The following YWHAG variants were observed in gnomAD, a reference collection of about 807,000 sequenced individuals.
The protein encoded by YWHAG is tyrosine 3-monooxygenase/tryptophan 5-monooxygenase activation protein gamma, also known as 14-3-3 protein gamma.
In YWHAG, 1 loss-of-function variant was observed where a neutral mutation model predicts 23.3. The observed-to-expected ratio is 0.04, with a 90% confidence interval of 0.02 to 0.20. The LOEUF is 0.20. Ranked by LOEUF, YWHAG falls within the 10% of genes least tolerant of loss-of-function variation. The pLI is 1.00. For missense variants in YWHAG, 151 were observed against 338.6 expected (o/e 0.45, Z 4.35); for synonymous variants, 160 against 144.0 (o/e 1.11, Z -0.80).
At chr7:76,336,906 C>G (rs1386305535) in intron 1 of YWHAG, among the ~76,000 whole-genome samples, 1 of 152,100 alleles carries the variant, frequency 6.6e-6, no homozygotes, top group Non-Finnish European at 1.5e-5. Context: ...TAAATAGAAA[C>G]AGAAAGAATG....
intron 1 of YWHAG, among the ~76,000 whole-genome samples, chr7:76,344,200 T>G (rs1803742712): frequency 6.6e-6 from 1 of 151,964 alleles, no homozygotes; most frequent in Non-Finnish European, 1.5e-5. Flanking sequence ...AGCCTCCACC[T>G]CCCAGGTCCA....
At chr7:76,358,668 G>A in intron 1 of YWHAG, 54 bp downstream of exon 1, 5 of 1,510,216 alleles carry the variant, frequency 3.3e-6, no homozygotes, top group South Asian at 2.4e-5. Context: ...TCCACGCCAA[G>A]GACCGCGTCT....
At chr7:76,335,759 T>C (rs1803606673) in intron 1 of YWHAG, among the ~76,000 whole-genome samples, 1 of 152,216 alleles carries the variant, frequency 6.6e-6, no homozygotes, top group South Asian at 2.1e-4. Flanking sequence ...GAGACCAGCC[T>C]GGCCAACATG....
intron 1 of YWHAG, among the ~76,000 whole-genome samples, chr7:76,355,215 G>C (rs917424): frequency 6.6e-6 from 1 of 152,008 alleles, no homozygotes; most frequent in Admixed American, 6.6e-5. Flanking sequence ...GTTATGTTAC[G>C]CAACTTTTAC....
chr7:76,349,452 C>G (rs1299576583), intron 1 of YWHAG, among the ~76,000 whole-genome samples: 2 of 150,500 alleles, frequency 1.3e-5, no homozygotes, highest in African/African-American at 4.9e-5. Flanking sequence ...CAGACACACA[C>G]ACACACACAC....
intron 1 of YWHAG, among the ~76,000 whole-genome samples, chr7:76,349,672 G>A (rs983412622): frequency 1.3e-5 from 2 of 152,136 alleles, no homozygotes; most frequent in Non-Finnish European, 2.9e-5. Flanking sequence ...GTGCCATATT[G>A]TTTGCCCTTC....
intron 1 of YWHAG, among the ~76,000 whole-genome samples, chr7:76,354,914 G>C (rs1803929722): frequency 6.6e-6 from 1 of 152,194 alleles, no homozygotes. Flanking sequence ...AACTTTTTAA[G>C]TGGAAATACA....
chr7:76,340,514 C>A (rs533989298), intron 1 of YWHAG, among the ~76,000 whole-genome samples: 3 of 152,156 alleles, frequency 2.0e-5, no homozygotes, highest in African/African-American at 7.2e-5. Flanking sequence ...CTTTTGTGAT[C>A]AGAAATGGAT....
intron 1 of YWHAG, among the ~76,000 whole-genome samples, chr7:76,351,036 T>C (rs774161211): frequency 5.9e-5 from 9 of 152,098 alleles, no homozygotes; most frequent in Non-Finnish European, 1.3e-4. Context: ...ATCATTGAAA[T>C]GATGTCAAGT....
intron 1 of YWHAG, among the ~76,000 whole-genome samples, chr7:76,355,591 T>C (rs1187474410): frequency 1.3e-5 from 2 of 152,126 alleles, no homozygotes; most frequent in African/African-American, 4.8e-5. Flanking sequence ...GAGGTACCAT[T>C]ACTCCATTAG....
intron 1 of YWHAG, among the ~76,000 whole-genome samples, chr7:76,353,008 A>T (rs898941399): frequency 5.9e-5 from 9 of 152,202 alleles, no homozygotes; most frequent in African/African-American, 2.2e-4. Context: ...TCAGGTAAAG[A>T]AAAGTCTATT....
intron 1 of YWHAG, among the ~76,000 whole-genome samples, chr7:76,351,438 C>A (rs1043394220): frequency 6.6e-6 from 1 of 152,144 alleles, no homozygotes; most frequent in South Asian, 2.1e-4. Context: ...ACCTCTATTA[C>A]ACAGATACAA....
rs1051478978 is a variant in YWHAG, at chr7:76,338,118, G to A, written c.88-7885C>T. Among the ~76,000 whole-genome samples the A allele has an allele frequency of 4.6e-5, 7 of 152,006 alleles. No individual in the cohort carries two copies. The East Asian group carries it at 1.3e-3, about 29-fold the overall frequency. On this transcript the variant is annotated intron_variant, in intron 1 of 1. Coordinates refer to ENST00000307630, the MANE Select transcript of YWHAG (RefSeq NM_012479.4). ...ACGTGAAGACACAAAACACTAGTGG[G>A]ATGTACTCAAGGTACTCAGTCTACA...
At chr7:76,356,337 C>T (rs537509752) in intron 1 of YWHAG, among the ~76,000 whole-genome samples, 1 of 152,294 alleles carries the variant, frequency 6.6e-6, no homozygotes, top group East Asian at 1.9e-4. Flanking sequence ...AGCCTATTTC[C>T]TTAAAGTCAC....
intron 1 of YWHAG, among the ~76,000 whole-genome samples, chr7:76,338,749 C>G (rs529487243): frequency 2.0e-5 from 3 of 152,196 alleles, no homozygotes; most frequent in Non-Finnish European, 4.4e-5. Flanking sequence ...AAATGCTCAA[C>G]CTCATTCATT....
In YWHAG at chr7:76,328,035, G is replaced by A. The variant is rs1191854320; in HGVS notation, c.*1542C>T. 6.6e-6 allele frequency: 1 copy of A among 151,864 alleles called. No homozygotes were observed. The highest frequency in any genetic ancestry group is 1.5e-5 in the Non-Finnish European group (1 of 67,994). The allele number at this position is 151,864 out of a possible 1,614,324, so 9.4% of individuals were successfully genotyped here. ...TGCCTAAATAAAACAAAGAAACAAA[G>A]AAAACAAGTGTGGTGTCATTACACG... On this transcript the variant is annotated 3_prime_UTR_variant, in exon 2 of 2. Coordinates refer to ENST00000307630, the MANE Select transcript of YWHAG (RefSeq NM_012479.4).
At position 76,358,625 on chromosome 7, in the gene YWHAG, GCC is replaced by G; in HGVS notation, c.87+95_87+96del. On this transcript the variant is annotated intron_variant, in intron 1 of 1. Coordinates refer to ENST00000307630, the MANE Select transcript of YWHAG (RefSeq NM_012479.4). ...GTGAGCGAGACGGGGCGGTCAACCC[GCC>G]ATCGCGACAGGGCGACGAAGCCCCG... 3 of 1,249,944 alleles carry G rather than the reference GCC, an allele frequency of 2.4e-6. No individual in the cohort carries two copies. In the South Asian group the frequency reaches 4.6e-5, roughly 19 times the overall value. The allele number at this position is 1,249,944 out of a possible 1,614,324, so 77.4% of individuals were successfully genotyped here. A position where few individuals can be genotyped will look rare whatever the true frequency, so the allele number is the denominator to read the frequency against.
In YWHAG at chr7:76,335,271, T is replaced by G. The variant is rs547461236; in HGVS notation, c.88-5038A>C. On this transcript the variant is annotated intron_variant, in intron 1 of 1. Transcript: ENST00000307630. Reference sequence around the variant, plus strand: ...CGGGGTTTCATCATGTTGGCCAGGATGGTCTTGATCTCCTGACCTTGTGAT... The same window carrying G: ...CGGGGTTTCATCATGTTGGCCAGGAGGGTCTTGATCTCCTGACCTTGTGAT... Among the ~76,000 whole-genome samples, 4 of 152,246 alleles carry G rather than the reference T, an allele frequency of 2.6e-5. No homozygotes were observed. In the East Asian group the frequency reaches 7.7e-4, roughly 29 times the overall value.
At chr7:76,342,272 G>A (rs963627025) in intron 1 of YWHAG, among the ~76,000 whole-genome samples, 11 of 152,134 alleles carry the variant, frequency 7.2e-5, no homozygotes, top group East Asian at 1.9e-4. Flanking sequence ...TGAAGCATTC[G>A]ATCCCACCAA....
Sources: allele counts gnomAD v4.1 joint callset (sites outside exome capture counted in the v4.1 genomes callset), GRCh38; gene constraint gnomAD v4.1.1; transcripts MANE v1.5; gene names NCBI Gene and HGNC (gene_info 2026-07-23, HGNC 2026-07-21).